Variants in CACNA1E observed in about 807,000 individuals in gnomAD.
The protein encoded by CACNA1E is calcium voltage-gated channel subunit alpha1 E.
CACNA1E carries 40 observed loss-of-function variants against 259.2 expected under a neutral mutation model. That is an observed-to-expected ratio of 0.15 (90% CI 0.12 to 0.20). CACNA1E has a LOEUF of 0.20. CACNA1E is among the 10% of genes least tolerant of loss of function. The pLI is 1.00. For missense variants in CACNA1E, 1,874 were observed against 3,040.1 expected, an observed-to-expected ratio of 0.62 and a Z score of 9.02; for synonymous variants, 1,104 against 1,138.5, an observed-to-expected ratio of 0.97 and a Z score of 0.61.
intron 23 of CACNA1E, 95 bp from the exon 24 acceptor site, chr1:181,738,272 G>T (rs986731910): frequency 3.2e-6 from 3 of 925,988 alleles, no homozygotes; most frequent in Middle Eastern, 4.6e-4. Context: ...GCCAGGGTGG[G>T]CGTGCACGAG....
In CACNA1E at chr1:181,699,521, C is replaced by T. The variant is rs1027698545; in HGVS notation, c.1056-11433C>T. Among the ~76,000 whole-genome samples the T allele has an allele frequency of 2.6e-5, 4 of 152,240 alleles. No individual in the cohort carries two copies. The South Asian group carries it at 8.3e-4, about 32-fold the overall frequency. ...CCACAATAAAGGGTTTGTATTTTAA[C>T]AATGAGAAGCCAGCAGAAAGTCTTA... On this transcript the variant is annotated intron_variant, in intron 7 of 47. Coordinates refer to ENST00000367573, the MANE Select transcript of CACNA1E (RefSeq NM_001205293.3).
chr1:181,411,344 G>T (rs185481765), intron 1 of CACNA1E, among the ~76,000 whole-genome samples: 1 of 152,178 alleles, frequency 6.6e-6, no homozygotes, highest in Non-Finnish European at 1.5e-5. Flanking sequence ...TCCATGAGGC[G>T]TAAAACAGGG....
At chr1:181,415,790 A>G (rs984387911) in intron 2 of CACNA1E, among the ~76,000 whole-genome samples, 1 of 152,120 alleles carries the variant, frequency 6.6e-6, no homozygotes, top group Admixed American at 6.5e-5. Flanking sequence ...CGGCCTCATC[A>G]TGGCTTTTCC....
intron 1 of CACNA1E, among the ~76,000 whole-genome samples, chr1:181,386,365 G>A (rs1414697573): frequency 6.6e-6 from 1 of 152,190 alleles, no homozygotes; most frequent in African/African-American, 2.4e-5. Flanking sequence ...GGAAGGTCAG[G>A]AAGAAGCTCA....
chr1:181,381,131 C>T (rs1655430438), intron 1 of CACNA1E, among the ~76,000 whole-genome samples: 1 of 151,206 alleles, frequency 6.6e-6, no homozygotes, highest in Non-Finnish European at 1.5e-5. Context: ...GTGCCACTTG[C>T]ACTCCAGCCT....
chr1:181,362,615 T>G (rs1653968830), intron 1 of CACNA1E, among the ~76,000 whole-genome samples: 1 of 152,234 alleles, frequency 6.6e-6, no homozygotes, highest in African/African-American at 2.4e-5. Flanking sequence ...TAAAATGCTG[T>G]AAGGGATTAT....
intron 1 of CACNA1E, among the ~76,000 whole-genome samples, chr1:181,365,330 G>A (rs1033637248): frequency 4.6e-5 from 7 of 152,142 alleles, no homozygotes; most frequent in African/African-American, 1.2e-4. Flanking sequence ...ACCACACCTC[G>A]CTAATTTAAA....
At chr1:181,750,638 A>T (rs775573427) in intron 26 of CACNA1E, among the ~76,000 whole-genome samples, 151 bp downstream of exon 26, 35 of 152,182 alleles carry the variant, frequency 2.3e-4, no homozygotes, top group Admixed American at 6.5e-4. Context: ...GGAGTCACCA[A>T]GCCTTCTTGG....
intron 6 of CACNA1E, among the ~76,000 whole-genome samples, chr1:181,602,315 T>C (rs12047212): frequency 0.83 from 125,648 of 152,140 alleles, 52,763 homozygotes; most frequent in East Asian, 0.98. Context: ...TGAGTTACTT[T>C]TCATTGGAAA....
At chr1:181,375,759 C>G (rs1655061536) in intron 1 of CACNA1E, among the ~76,000 whole-genome samples, 1 of 152,140 alleles carries the variant, frequency 6.6e-6, no homozygotes, top group Non-Finnish European at 1.5e-5. Context: ...GAGGGATTTA[C>G]TTCTACTCAT....
chr1:181,467,379 T>A (rs1257959344), intron 2 of CACNA1E, among the ~76,000 whole-genome samples: 1 of 151,314 alleles, frequency 6.6e-6, no homozygotes, highest in Non-Finnish European at 1.5e-5. Flanking sequence ...AGTGTAGGAG[T>A]TTTCACTGCA....
chr1:181,754,783 T>A (rs925929011), intron 27 of CACNA1E, among the ~76,000 whole-genome samples: 1 of 152,196 alleles, frequency 6.6e-6, no homozygotes, highest in African/African-American at 2.4e-5. Flanking sequence ...TTTAGAAAGG[T>A]AAGGAGAAAA....
In CACNA1E at chr1:181,762,571, C is replaced by T. The variant is rs1037223207; in HGVS notation, c.4606-3C>T. The T allele has an allele frequency of 3.8e-6, 6 of 1,581,394 alleles. No individual in the cohort carries two copies. In the Admixed American group the frequency reaches 5.0e-5, roughly 13 times the overall value. On this transcript the variant is annotated splice_polypyrimidine_tract_variant and splice_region_variant and intron_variant, in intron 32 of 47. Coordinates refer to ENST00000367573, the MANE Select transcript of CACNA1E (RefSeq NM_001205293.3). Reference sequence around the variant, plus strand: ...TGTTCCTATGACTGAATTCATTTGGCAGAACTATTTCCGAGACACCTGGAA... The same window carrying T: ...TGTTCCTATGACTGAATTCATTTGGTAGAACTATTTCCGAGACACCTGGAA...
intron 1 of CACNA1E, among the ~76,000 whole-genome samples, chr1:181,506,081 T>A (rs1208237329): frequency 6.6e-6 from 1 of 152,158 alleles, no homozygotes; most frequent in Middle Eastern, 3.2e-3. Flanking sequence ...GTGTAATGAG[T>A]GTCACTGAAT....
At chr1:181,574,665 G>A (rs939172493) in intron 3 of CACNA1E, among the ~76,000 whole-genome samples, 1 of 152,176 alleles carries the variant, frequency 6.6e-6, no homozygotes, top group African/African-American at 2.4e-5. Context: ...TTAGGGCAGT[G>A]ATGGAGGTGG....
At chr1:181,784,512 T>C in intron 40 of CACNA1E, 149 bp from the exon 41 acceptor site, 1 of 574,494 alleles carries the variant, frequency 1.7e-6, no homozygotes, top group Non-Finnish European at 3.1e-6. Context: ...CAGAAAGACC[T>C]GGTATTGCAA....
chr1:181,451,527 A>G (rs901622505), intron 2 of CACNA1E, among the ~76,000 whole-genome samples: 1 of 152,150 alleles, frequency 6.6e-6, no homozygotes, highest in Non-Finnish European at 1.5e-5. Context: ...CTCTACTAAA[A>G]ATACAAAATT....
chr1:181,733,769 T>A lies in CACNA1E; in HGVS notation c.3262+19T>A, dbSNP rs1655760535. ...GTGCACAGTGAGAGCACAGTCCCTG[T>A]TCCCCTCCACCCCCAACTCCTATCC... On this transcript the variant is annotated intron_variant, in intron 21 of 47. Transcript: ENST00000367573. The A allele has an allele frequency of 6.7e-7, 1 of 1,485,938 alleles. No homozygotes were observed. The highest frequency in any genetic ancestry group is 1.4e-5 in the South Asian group (1 of 72,512). 92.0% of individuals were successfully genotyped at this position (1,485,938 alleles called of 1,614,324 possible).
At chr1:181,525,880 G>C (rs1034904546) in intron 3 of CACNA1E, among the ~76,000 whole-genome samples, 1 of 152,126 alleles carries the variant, frequency 6.6e-6, no homozygotes, top group Non-Finnish European at 1.5e-5. Flanking sequence ...GGGGTAATTG[G>C]ATCTAGGGGA....
Sources: allele counts gnomAD v4.1 joint callset (sites outside exome capture counted in the v4.1 genomes callset), GRCh38; gene constraint gnomAD v4.1.1; transcripts MANE v1.5; gene names NCBI Gene and HGNC (gene_info 2026-07-23, HGNC 2026-07-21).